SSX7: variants seen among roughly 807,000 people sequenced by gnomAD.
SSX7 encodes protein SSX7.
In SSX7, 15 loss-of-function variants were observed where a neutral mutation model predicts 14.7. That is an observed-to-expected ratio of 1.02 (90% confidence interval 0.68 to 1.58). SSX7 has a LOEUF of 1.58. Ranked by LOEUF, SSX7 falls within the 40% of genes most tolerant of loss-of-function variation. The pLI, the probability that SSX7 is intolerant of heterozygous loss-of-function variation, is 0.00. For synonymous variants in SSX7, 46 were observed against 50.6 expected, an observed-to-expected ratio of 0.91 and a Z score of 0.38; for missense variants, 178 against 146.8, an observed-to-expected ratio of 1.21 and a Z score of -1.10.
intron 7 of SSX7, 131 bp from the exon 8 acceptor site, chrX:52,644,801 T>C (rs1925181002): frequency 1.4e-6 from 1 of 736,501 alleles, no homozygotes; most frequent in Non-Finnish European, 2.1e-6. Context: ...TGCACACGCC[T>C]TCCATGGTTC....
At chrX:52,646,254 G>A (rs1178685938) in intron 6 of SSX7, among the ~76,000 whole-genome samples, 1 of 111,035 alleles carries the variant, frequency 9.0e-6, no homozygotes, top group Admixed American at 9.6e-5. Flanking sequence ...TAGTAGAGAC[G>A]GGGTTTCACC....
chrX:52,648,946 C>A (rs782097324), intron 5 of SSX7, among the ~76,000 whole-genome samples: 3 of 111,870 alleles, frequency 2.7e-5, no homozygotes, highest in Non-Finnish European at 5.6e-5. Flanking sequence ...GGCACCAACA[C>A]TGAATGTGGA....
chrX:52,647,625 C>T (rs1341318890), intron 6 of SSX7, among the ~76,000 whole-genome samples: 6 of 112,083 alleles, frequency 5.4e-5, no homozygotes, highest in African/African-American at 1.9e-4. Context: ...AGGCAAGACC[C>T]TCCACCAGCA....
At position 52,648,474 on chromosome X, in the gene SSX7, C is replaced by T. The variant is rs1379318489; in HGVS notation, c.331-78G>A. 2.8e-5 allele frequency: 32 copies of T among 1,153,882 alleles called. No individual in the cohort carries two copies. The African/African-American group carries it at 4.5e-4, about 16-fold the overall frequency. ...CTTTAGAGCTTACAAAGCGTCTTCA[C>T]ATGCATTACCTTAATCAATGTTCTC... On this transcript the variant is annotated intron_variant, in intron 5 of 7. Coordinates refer to ENST00000298181, the MANE Select transcript of SSX7 (RefSeq NM_173358.2).
chrX:52,652,672 A>T (rs182919177), intron 3 of SSX7, among the ~76,000 whole-genome samples, 198 bp downstream of exon 3: 6,250 of 110,658 alleles, frequency 0.056, 176 homozygotes, highest in Non-Finnish European at 0.083. Context: ...GGATCCAGGT[A>T]TGAGCTCCAC....
chrX:52,645,389 A>G, intron 7 of SSX7, 50 bp downstream of exon 7: 4 of 1,209,223 alleles, frequency 3.3e-6, no homozygotes, highest in Non-Finnish European at 3.4e-6. Context: ...GTATCATAAC[A>G]GAATACCACA....
chrX:52,649,925 T>C (rs1925374694), intron 5 of SSX7, among the ~76,000 whole-genome samples: 1 of 112,616 alleles, frequency 8.9e-6, no homozygotes, highest in Non-Finnish European at 1.9e-5. Context: ...AGCCTCATTT[T>C]ATTATTATGT....
At chrX:52,653,306 G>C (rs1293604289) in intron 2 of SSX7, 98 bp downstream of exon 2, 48 of 1,205,972 alleles carry the variant, frequency 4.0e-5, no homozygotes, top group African/African-American at 1.2e-4. Flanking sequence ...CAAGACCCTG[G>C]TCCTTGTCTC....
chrX:52,647,752 AG>A, intron 6 of SSX7, among the ~76,000 whole-genome samples: 1 of 112,183 alleles, frequency 8.9e-6, no homozygotes, highest in Non-Finnish European at 1.9e-5. Context: ...AGTAGACTGC[AG>A]TATAGTGTAA....
At chrX:52,649,905 A>G (rs782664284) in intron 5 of SSX7, among the ~76,000 whole-genome samples, 4 of 112,393 alleles carry the variant, frequency 3.6e-5, no homozygotes, top group African/African-American at 1.3e-4. Context: ...TAACATATCT[A>G]TACCCCAATA....
chrX:52,653,050 G>GC (rs1556767254), intron 2 of SSX7, 66 bp from the exon 3 acceptor site: 1 of 1,180,262 alleles, frequency 8.5e-7, no homozygotes, highest in South Asian at 1.8e-5. Context: ...TTCAGCTGGA[G>GC]CCCCTTCCTG....
chrX:52,649,015 C>A (rs782437605), intron 5 of SSX7, among the ~76,000 whole-genome samples: 1 of 110,947 alleles, frequency 9.0e-6, no homozygotes, highest in East Asian at 2.8e-4. Flanking sequence ...CACTGACCAA[C>A]AATCTTAAGC....
Position 52,651,290 on chromosome X carries a change from T to C in SSX7, c.281-888A>G, listed in dbSNP as rs781820893. ...TCTTTATTACATAATGTGTTCATCA[T>C]CCTCACTCCTAAGATACCTATCCAA... is the stretch of plus-strand genomic sequence containing the variant. On this transcript the variant is annotated intron_variant, in intron 4 of 7. Transcript: ENST00000298181. Among the ~76,000 whole-genome samples the C allele has an allele frequency of 3.8e-3, 431 of 111,968 alleles. 1 individual carries two copies. Among genetic ancestry groups the C allele is most frequent in the Non-Finnish European group, 6.4e-3 (338 of 53,228 alleles).
chrX:52,645,815 T>C (rs2146494206), intron 6 of SSX7, among the ~76,000 whole-genome samples: 1 of 111,236 alleles, frequency 9.0e-6, no homozygotes, highest in Non-Finnish European at 1.9e-5. Context: ...CCTTACCTCC[T>C]TTCATTCAGC....
chrX:52,647,324 G>A (rs1191170721), intron 6 of SSX7, among the ~76,000 whole-genome samples: 2 of 112,695 alleles, frequency 1.8e-5, no homozygotes, highest in Non-Finnish European at 3.7e-5. Context: ...GATCACTGTT[G>A]AAGGTGGCTA....
rs782635250 is a variant in SSX7, at chrX:52,646,319, T to G, written c.467-776A>C. ...ACTTCGTGATCTGCCTGCCTCGGCC[T>G]CCCAAAGTGCTGGGATCACAGGCGT... On this transcript the variant is annotated intron_variant, in intron 6 of 7. Transcript: ENST00000298181. Among the ~76,000 whole-genome samples, 3 of 112,736 alleles carry G rather than the reference T, an allele frequency of 2.7e-5. 1 individual carries two copies. The South Asian group carries it at 1.1e-3, about 41-fold the overall frequency.
chrX:52,646,428 T>G (rs1485813543), intron 6 of SSX7, among the ~76,000 whole-genome samples: 4 of 112,885 alleles, frequency 3.5e-5, no homozygotes, highest in African/African-American at 1.3e-4. Flanking sequence ...GATGTTTTGA[T>G]ACACGCATGC....
At chrX:52,646,923 A>G (rs1433547920) in intron 6 of SSX7, among the ~76,000 whole-genome samples, 1 of 112,603 alleles carries the variant, frequency 8.9e-6, no homozygotes, top group Non-Finnish European at 1.9e-5. Context: ...TGTGAATGCA[A>G]AGGAAAAGTT....
At chrX:52,649,607 G>A (rs1391237768) in intron 5 of SSX7, among the ~76,000 whole-genome samples, 1 of 111,527 alleles carries the variant, frequency 9.0e-6, no homozygotes, top group South Asian at 3.8e-4. Context: ...GGGGCTTCTG[G>A]GATGCCCCAG....
Sources: gnomAD v4.1 joint callset for allele counts (sites outside exome capture counted in the v4.1 genomes callset) on GRCh38, gnomAD v4.1.1 for gene constraint, MANE v1.5 for transcripts, NCBI Gene and HGNC (gene_info 2026-07-23, HGNC 2026-07-21) for gene names.